The following TEAD1 variants were observed in gnomAD, a reference collection of about 807,000 sequenced individuals.
TEAD1 encodes the protein TEA domain transcription factor 1.
A neutral mutation model predicts 54.9 loss-of-function variants in TEAD1; 9 were observed. That is an observed-to-expected ratio of 0.16 (90% CI 0.10 to 0.29). The LOEUF is 0.29. Among genes scored for constraint, TEAD1 ranks in the 10% least tolerant of loss-of-function variants. The pLI is 1.00. For missense variants in TEAD1, 387 were observed against 535.9 expected (o/e 0.72, Z 2.74); for synonymous variants, 200 against 187.8 (o/e 1.07, Z -0.53).
chr11:12,922,192 C>CTTTTTTTTTTTTTT (rs756723520), intron 10 of TEAD1, among the ~76,000 whole-genome samples: 1 of 94,518 alleles, frequency 1.1e-5, no homozygotes, highest in African/African-American at 4.3e-5. Context: ...ACATGGTTCT[C>CTTTTTTTTTTTTTT]TTTTTTTTTT....
intron 2 of TEAD1, among the ~76,000 whole-genome samples, chr11:12,728,483 A>G (rs1322841247): frequency 5.3e-5 from 8 of 152,162 alleles, no homozygotes; most frequent in African/African-American, 1.9e-4. Flanking sequence ...GGGCAGAGAC[A>G]ATTCGGCAGC....
intron 2 of TEAD1, among the ~76,000 whole-genome samples, chr11:12,695,387 T>A (rs1943557953): frequency 6.6e-6 from 1 of 152,182 alleles, no homozygotes; most frequent in Admixed American, 6.5e-5. Context: ...TGGAGGAGAT[T>A]TTTCCTTATG....
intron 3 of TEAD1, among the ~76,000 whole-genome samples, chr11:12,785,906 A>G (rs374911404): frequency 2.6e-5 from 4 of 152,180 alleles, no homozygotes; most frequent in East Asian, 3.8e-4. Context: ...TTTTTCCAAC[A>G]TACATTTGTC....
At chr11:12,686,545 GT>G (rs908778462) in intron 2 of TEAD1, among the ~76,000 whole-genome samples, 8 of 148,570 alleles carry the variant, frequency 5.4e-5, no homozygotes, top group African/African-American at 1.7e-4. Context: ...TTAGAAAGAA[GT>G]TTTTTTTTTA....
chr11:12,686,581 T>C (rs1347021687), intron 2 of TEAD1, among the ~76,000 whole-genome samples: 1 of 152,156 alleles, frequency 6.6e-6, no homozygotes, highest in Admixed American at 6.5e-5. Flanking sequence ...GGTTGGTTTG[T>C]ACTGTATGAA....
intron 2 of TEAD1, among the ~76,000 whole-genome samples, chr11:12,731,259 G>T (rs527730053): frequency 4.6e-5 from 7 of 152,126 alleles, no homozygotes; most frequent in South Asian, 2.1e-4. Context: ...TTTCTTATCA[G>T]ATTTGCAGTA....
chr11:12,741,770 T>C (rs1445154180), intron 2 of TEAD1, among the ~76,000 whole-genome samples: 1 of 152,210 alleles, frequency 6.6e-6, no homozygotes, highest in Non-Finnish European at 1.5e-5. Flanking sequence ...GTAGCAAGGC[T>C]CTCATCCTTG....
At chr11:12,826,639 A>C (rs987536647) in intron 3 of TEAD1, among the ~76,000 whole-genome samples, 1 of 152,192 alleles carries the variant, frequency 6.6e-6, no homozygotes, top group African/African-American at 2.4e-5. Context: ...TCAGTTACTT[A>C]ACTCCATCAA....
chr11:12,764,984 T>G (rs557643563), intron 3 of TEAD1, among the ~76,000 whole-genome samples: 15 of 151,956 alleles, frequency 9.9e-5, no homozygotes, highest in African/African-American at 3.6e-4. Context: ...GTGCATGGGC[T>G]TGATCAGCCT....
chr11:12,754,476 G>A (rs1223270146), intron 2 of TEAD1, among the ~76,000 whole-genome samples: 1 of 152,190 alleles, frequency 6.6e-6, no homozygotes, highest in Non-Finnish European at 1.5e-5. Flanking sequence ...GAAAGTGACA[G>A]CCTGATTTCT....
intron 2 of TEAD1, among the ~76,000 whole-genome samples, chr11:12,699,694 T>C (rs562536687): frequency 6.6e-6 from 1 of 152,368 alleles, no homozygotes; most frequent in South Asian, 2.1e-4. Context: ...TTTACCAGTG[T>C]AATTGCTCAG....
chr11:12,741,916 A>G (rs1944658712), intron 2 of TEAD1, among the ~76,000 whole-genome samples: 1 of 152,214 alleles, frequency 6.6e-6, no homozygotes. Flanking sequence ...CAGAAAAATC[A>G]TGTGGCTGTC....
chr11:12,724,487 T>C (rs1313261105), intron 2 of TEAD1, among the ~76,000 whole-genome samples: 2 of 152,232 alleles, frequency 1.3e-5, no homozygotes, highest in South Asian at 2.1e-4. Context: ...ATGTTTGTAA[T>C]GAAGAGGGGC....
intron 2 of TEAD1, among the ~76,000 whole-genome samples, chr11:12,760,062 G>A (rs1945070373): frequency 6.6e-6 from 1 of 152,204 alleles, no homozygotes; most frequent in Non-Finnish European, 1.5e-5. Context: ...GCAGTCATTT[G>A]AAGACCTTGA....
At chr11:12,865,200 ATTTT>A (rs113921279) in intron 5 of TEAD1, 2 of 356,170 alleles carry the variant, frequency 5.6e-6, no homozygotes, top group Non-Finnish European at 1.0e-5. Context: ...CAGAAACATG[ATTTT>A]TTTTTTTTAA....
intron 2 of TEAD1, among the ~76,000 whole-genome samples, chr11:12,691,031 G>C (rs1410033408): frequency 6.6e-6 from 1 of 152,184 alleles, no homozygotes. Flanking sequence ...GATTACAGGC[G>C]TGAGCCATCT....
At chr11:12,875,299 A>G (rs1200605627) in intron 5 of TEAD1, among the ~76,000 whole-genome samples, 2 of 152,236 alleles carry the variant, frequency 1.3e-5, no homozygotes, top group East Asian at 1.9e-4. Flanking sequence ...ATATTAAACC[A>G]GAGTGACACA....
At chr11:12,763,331 C>T (rs1345869452) in intron 2 of TEAD1, among the ~76,000 whole-genome samples, 1 of 152,216 alleles carries the variant, frequency 6.6e-6, no homozygotes, top group Non-Finnish European at 1.5e-5. Context: ...GGCTATAAGA[C>T]GGAGTGCTCC....
At chr11:12,900,738 G>C (rs6486068) in intron 9 of TEAD1, among the ~76,000 whole-genome samples, 26,574 of 152,034 alleles carry the variant, frequency 0.17, 3,698 homozygotes, top group African/African-American at 0.39. Context: ...CCTTCTGTTA[G>C]TTGGGACTTC....
Sources: allele counts gnomAD v4.1 joint callset (sites outside exome capture counted in the v4.1 genomes callset), GRCh38; gene constraint gnomAD v4.1.1; transcripts MANE v1.5; gene names NCBI Gene and HGNC (gene_info 2026-07-23, HGNC 2026-07-21).